The following LRFN5 variants were observed in gnomAD, a reference collection of about 807,000 sequenced individuals.
LRFN5 encodes the protein leucine rich repeat and fibronectin type III domain containing 5.
A neutral mutation model predicts 45.6 loss-of-function variants in LRFN5; 24 were observed. The observed-to-expected ratio is 0.53, with a 90% CI of 0.38 to 0.74. The LOEUF (loss-of-function observed/expected upper bound fraction) is 0.74, where lower values mean the gene tolerates loss of function less well. Among genes scored for constraint, LRFN5 ranks in the 30% least tolerant of loss-of-function variants. The probability of loss-of-function intolerance (pLI) is 0.00; values close to 1 mark genes in which losing one functional copy is unlikely to be tolerated. For synonymous variants in LRFN5, 340 were observed against 313.8 expected (o/e 1.08, Z -0.88); for missense variants, 776 against 861.5 (o/e 0.90, Z 1.24).
chr14:41,731,361 C>A (rs1884170239), intron 1 of LRFN5: 1 of 151,790 alleles, frequency 6.6e-6, no homozygotes, highest in Non-Finnish European at 1.5e-5. Context: ...AAGGTAAGTC[C>A]CATTCTTGGC....
At chr14:41,698,681 A>G (rs1882715943) in intron 1 of LRFN5, among the ~76,000 whole-genome samples, 1 of 152,106 alleles carries the variant, frequency 6.6e-6, no homozygotes, top group South Asian at 2.1e-4. Flanking sequence ...ACTGGATTCT[A>G]GTCTTTGTTG....
At chr14:41,787,356 T>C (rs2138934156) in intron 2 of LRFN5, among the ~76,000 whole-genome samples, 1 of 152,150 alleles carries the variant, frequency 6.6e-6, no homozygotes, top group Non-Finnish European at 1.5e-5. Context: ...TCTATTTGAG[T>C]CACTCTTTCC....
intron 2 of LRFN5, among the ~76,000 whole-genome samples, chr14:41,807,109 A>G (rs576371488): frequency 2.6e-4 from 40 of 152,292 alleles, no homozygotes; most frequent in Non-Finnish European, 4.0e-4. Flanking sequence ...GAAGTAAAGA[A>G]ATAAGATACA....
At chr14:41,893,989 A>T (rs1412188009) in intron 4 of LRFN5, 5 of 984,566 alleles carry the variant, frequency 5.1e-6, no homozygotes, top group Non-Finnish European at 6.0e-6. Context: ...GTAATGCTCT[A>T]ATTCCAACTA....
intron 2 of LRFN5, among the ~76,000 whole-genome samples, chr14:41,809,977 A>T (rs1028569809): frequency 9.2e-5 from 14 of 152,032 alleles, no homozygotes; most frequent in Non-Finnish European, 1.8e-4. Context: ...ATGACCAGAA[A>T]GTGTGGATAG....
At chr14:41,846,265 CT>C (rs1486216057) in intron 2 of LRFN5, among the ~76,000 whole-genome samples, 2 of 151,844 alleles carry the variant, frequency 1.3e-5, no homozygotes, top group Non-Finnish European at 2.9e-5. Context: ...GGCAATTTTA[CT>C]CCTAGGTATG....
chr14:41,878,524 T>G (rs17112353), intron 2 of LRFN5, among the ~76,000 whole-genome samples: 1 of 152,120 alleles, frequency 6.6e-6, no homozygotes, highest in African/African-American at 2.4e-5. Context: ...GAAAGATGGA[T>G]GTAGTAATGG....
At chr14:41,740,160 C>T (rs530794313) in intron 1 of LRFN5, among the ~76,000 whole-genome samples, 102 of 152,066 alleles carry the variant, frequency 6.7e-4, no homozygotes, top group African/African-American at 1.8e-3. Context: ...ATCCAGAAAA[C>T]TGAAATGGAG....
intron 1 of LRFN5, among the ~76,000 whole-genome samples, chr14:41,729,880 TA>T (rs2138790440): frequency 6.6e-6 from 1 of 151,986 alleles, no homozygotes; most frequent in South Asian, 2.1e-4. Context: ...ACATGATTAT[TA>T]GGGGAAAATT....
chr14:41,764,037 C>A (rs751816703), intron 1 of LRFN5, among the ~76,000 whole-genome samples: 1 of 151,984 alleles, frequency 6.6e-6, no homozygotes, highest in Non-Finnish European at 1.5e-5. Context: ...AAAAAAAAAT[C>A]TTTGTATGGT....
At chr14:41,648,634 A>T (rs185210820) in intron 1 of LRFN5, among the ~76,000 whole-genome samples, 78 of 152,268 alleles carry the variant, frequency 5.1e-4, no homozygotes, top group Non-Finnish European at 4.3e-4. Context: ...AATAAAACAA[A>T]TAAATGGCAT....
chr14:41,673,858 T>TCC (rs1881405388), intron 1 of LRFN5, among the ~76,000 whole-genome samples: 1 of 139,220 alleles, frequency 7.2e-6, no homozygotes, highest in African/African-American at 2.6e-5. Flanking sequence ...CTGAACCCCC[T>TCC]ACCTCCCTCC....
chr14:41,677,591 A>G (rs911707921), intron 1 of LRFN5, among the ~76,000 whole-genome samples: 12 of 152,182 alleles, frequency 7.9e-5, no homozygotes, highest in Non-Finnish European at 2.9e-5. Flanking sequence ...TCTGAAGTTG[A>G]AATGTAATAT....
intron 1 of LRFN5, among the ~76,000 whole-genome samples, chr14:41,715,743 G>A (rs1295037428): frequency 6.6e-6 from 1 of 152,278 alleles, no homozygotes; most frequent in Non-Finnish European, 1.5e-5. Flanking sequence ...TTTTTCAAGT[G>A]CATTGTGCAA....
intron 1 of LRFN5, among the ~76,000 whole-genome samples, chr14:41,679,819 G>C (rs1456540553): frequency 1.3e-5 from 2 of 152,198 alleles, no homozygotes; most frequent in South Asian, 4.1e-4. Flanking sequence ...TGGAGTCCTT[G>C]ATTCCAGGCC....
chr14:41,678,570 G>A (rs759121306), intron 1 of LRFN5, among the ~76,000 whole-genome samples: 5 of 152,040 alleles, frequency 3.3e-5, no homozygotes, highest in East Asian at 1.9e-4. Flanking sequence ...AACATGCCAC[G>A]CAACAATGAA....
intron 2 of LRFN5, among the ~76,000 whole-genome samples, chr14:41,769,246 T>G (rs1237862985): frequency 1.3e-5 from 2 of 152,174 alleles, no homozygotes; most frequent in East Asian, 1.9e-4. Flanking sequence ...AGCAGAATAA[T>G]GATGCAATGG....
intron 1 of LRFN5, among the ~76,000 whole-genome samples, chr14:41,702,838 T>G (rs1882894192): frequency 1.3e-5 from 2 of 151,898 alleles, no homozygotes; most frequent in South Asian, 4.2e-4. Context: ...CACTACTACT[T>G]AAACAATATA....
intron 2 of LRFN5, among the ~76,000 whole-genome samples, chr14:41,768,698 A>ATTAG (rs949266878): frequency 3.3e-5 from 5 of 152,126 alleles, no homozygotes; most frequent in Admixed American, 2.6e-4. Flanking sequence ...TATCTGCCCA[A>ATTAG]TTAGTTAATT....
Sources: gnomAD v4.1 joint callset for allele counts (sites outside exome capture counted in the v4.1 genomes callset) on GRCh38, gnomAD v4.1.1 for gene constraint, MANE v1.5 for transcripts, NCBI Gene and HGNC (gene_info 2026-07-23, HGNC 2026-07-21) for gene names.